The following FRMD5 variants were observed in gnomAD, a reference collection of about 807,000 sequenced individuals.
The protein encoded by FRMD5 is FERM domain-containing protein 5.
Under a neutral mutation model 69.0 loss-of-function variants are expected in FRMD5, and 20 were observed. That is an observed-to-expected ratio of 0.29 (90% CI 0.20 to 0.42). The LOEUF (loss-of-function observed/expected upper bound fraction) is 0.42, where lower values mean the gene tolerates loss of function less well. Among genes scored for constraint, FRMD5 ranks in the 10% least tolerant of loss-of-function variants. The pLI, the probability that FRMD5 is intolerant of heterozygous loss-of-function variation, is 1.00. For synonymous variants in FRMD5, 271 were observed against 260.1 expected (o/e 1.04, Z -0.40); for missense variants, 595 against 708.6 (o/e 0.84, Z 1.82).
chr15:44,197,534 G>A (rs755633875), upstream of FRMD5, among the ~76,000 whole-genome samples: 6 of 151,188 alleles, frequency 4.0e-5, no homozygotes, highest in Non-Finnish European at 5.9e-5. Flanking sequence ...ATACAAAAAT[G>A]AGCCGGGCAT....
At chr15:44,193,241 G>T (rs1050777540) in intron 1 of FRMD5, among the ~76,000 whole-genome samples, 2 of 152,120 alleles carry the variant, frequency 1.3e-5, no homozygotes, top group East Asian at 3.9e-4. Context: ...ACCTGCCTCG[G>T]AAATTATTTC....
chr15:43,944,068 A>C (rs1166534838), intron 1 of FRMD5, among the ~76,000 whole-genome samples: 1 of 152,220 alleles, frequency 6.6e-6, no homozygotes, highest in Non-Finnish European at 1.5e-5. Context: ...CCACTGCCTT[A>C]GTCCTTTTCT....
Position 44,004,473 on chromosome 15 carries a change from T to A in FRMD5, c.103-80164A>T, listed in dbSNP as rs542586623. On this transcript the variant is annotated intron_variant, in intron 1 of 13. Transcript: ENST00000417257. ...ACACTTCATGTCTCTGTGTCACACT[T>A]TGTTAAATCTTGCAATATTTCAAAG... 4.6e-5 allele frequency among the ~76,000 whole-genome samples: 7 copies of A among 152,368 alleles called. No homozygotes were observed. In the South Asian group the frequency reaches 1.5e-3, roughly 32 times the overall value.
chr15:43,934,030 C>G (rs564501792), intron 1 of FRMD5, among the ~76,000 whole-genome samples: 1 of 152,312 alleles, frequency 6.6e-6, no homozygotes, highest in Admixed American at 6.5e-5. Context: ...GTACCTCATC[C>G]TGCTGTCTCC....
intron 1 of FRMD5, among the ~76,000 whole-genome samples, chr15:44,085,721 A>G (rs1265409620): frequency 6.6e-6 from 1 of 152,196 alleles, no homozygotes; most frequent in Non-Finnish European, 1.5e-5. Flanking sequence ...AGTATGGCTA[A>G]TGAATTTTGA....
At chr15:43,910,545 G>C (rs2089267617) in intron 4 of FRMD5, among the ~76,000 whole-genome samples, 1 of 138,292 alleles carries the variant, frequency 7.2e-6, no homozygotes, top group Non-Finnish European at 1.5e-5. Flanking sequence ...CTGCACTCTA[G>C]CCTGGGCAAT....
chr15:44,008,069 G>A (rs1008488329), intron 1 of FRMD5, among the ~76,000 whole-genome samples: 3 of 149,390 alleles, frequency 2.0e-5, no homozygotes, highest in Non-Finnish European at 4.4e-5. Context: ...AGCCTACTGA[G>A]TAGGTGGGGA....
intron 1 of FRMD5, among the ~76,000 whole-genome samples, chr15:43,935,352 C>T (rs540207711): frequency 1.4e-4 from 22 of 152,160 alleles, no homozygotes; most frequent in Non-Finnish European, 2.5e-4. Context: ...GGTGTGGTGG[C>T]GGGTGCTTGT....
intron 7 of FRMD5, among the ~76,000 whole-genome samples, chr15:43,892,293 G>A (rs144124927): frequency 2.6e-4 from 40 of 152,356 alleles, no homozygotes; most frequent in African/African-American, 9.1e-4. Context: ...GTCCTGATCT[G>A]TAAGTTGTAG....
chr15:44,141,076 G>GA (rs1221680973), intron 1 of FRMD5, among the ~76,000 whole-genome samples: 2 of 151,694 alleles, frequency 1.3e-5, no homozygotes, highest in African/African-American at 2.4e-5. Flanking sequence ...GGTAACTGTG[G>GA]AAAAAATCCT....
chr15:43,898,728 C>T (rs2140390679), intron 7 of FRMD5, among the ~76,000 whole-genome samples: 1 of 152,320 alleles, frequency 6.6e-6, no homozygotes. Context: ...TTGCTTCATT[C>T]TCCTCCTCCA....
intron 1 of FRMD5, among the ~76,000 whole-genome samples, chr15:44,135,298 A>G (rs2077165444): frequency 1.3e-5 from 2 of 152,206 alleles, no homozygotes; most frequent in Non-Finnish European, 2.9e-5. Flanking sequence ...AATTTCAGAA[A>G]CTAGGAGTCA....
chr15:43,880,254 T>C (rs567364460), intron 13 of FRMD5, among the ~76,000 whole-genome samples: 51 of 152,288 alleles, frequency 3.3e-4, no homozygotes, highest in Admixed American at 1.6e-3. Flanking sequence ...AAATGGACTA[T>C]AGAAAAGAAA....
chr15:43,873,195 G>C lies in FRMD5; in HGVS notation c.*690C>G. 2 of 1,550,518 alleles carry C rather than the reference G, an allele frequency of 1.3e-6. No individual in the cohort carries two copies. The highest frequency in any genetic ancestry group is 1.2e-5 in the South Asian group (1 of 84,052). On this transcript the variant is annotated 3_prime_UTR_variant, in exon 14 of 14. Coordinates refer to ENST00000417257, the MANE Select transcript of FRMD5 (RefSeq NM_032892.5). ...CCCCACCCCTGATGCTGCTGTTGCT[G>C]TAGCGGTGGTCCCTTCAGATGCCCA...
At chr15:43,929,598 A>G (rs2089641095) in intron 1 of FRMD5, among the ~76,000 whole-genome samples, 1 of 152,186 alleles carries the variant, frequency 6.6e-6, no homozygotes, top group Non-Finnish European at 1.5e-5. Context: ...TAGAGAAGGC[A>G]GAGGTAAAAT....
intron 1 of FRMD5, among the ~76,000 whole-genome samples, chr15:43,928,816 CAGGTG>C (rs1257859137): frequency 6.6e-6 from 1 of 152,196 alleles, no homozygotes; most frequent in Admixed American, 6.5e-5. Context: ...CTTGCGCTGA[CAGGTG>C]ATTACTGTTT....
chr15:43,984,558 T>A (rs997043336), intron 1 of FRMD5, among the ~76,000 whole-genome samples: 1 of 152,236 alleles, frequency 6.6e-6, no homozygotes, highest in African/African-American at 2.4e-5. Flanking sequence ...CAGAGAAACT[T>A]ACTTGAGCAT....
chr15:43,931,708 A>C (rs368234583), intron 1 of FRMD5, among the ~76,000 whole-genome samples: 1 of 151,912 alleles, frequency 6.6e-6, no homozygotes, highest in East Asian at 1.9e-4. Context: ...GGTCCTCATA[A>C]CTCTTTGATT....
intron 1 of FRMD5, among the ~76,000 whole-genome samples, chr15:44,094,993 A>G (rs2076530182): frequency 6.6e-6 from 1 of 152,010 alleles, no homozygotes; most frequent in African/African-American, 2.4e-5. Flanking sequence ...CTGGACCCCT[A>G]GGGAGCCAGC....
Sources: gnomAD v4.1 joint callset for allele counts (sites outside exome capture counted in the v4.1 genomes callset) on GRCh38, gnomAD v4.1.1 for gene constraint, MANE v1.5 for transcripts, NCBI Gene and HGNC (gene_info 2026-07-23, HGNC 2026-07-21) for gene names.